NR2F1-AS1: variants seen among roughly 807,000 people sequenced by gnomAD.
NR2F1-AS1 encodes NR2F1 regulatory antisense RNA 1.
intron 1 of NR2F1-AS1, among the ~76,000 whole-genome samples, chr5:93,567,284 A>C (rs1200905786): frequency 6.6e-6 from 1 of 152,152 alleles, no homozygotes. Flanking sequence ...TTTATGGAAC[A>C]AACATTACAA....
chr5:93,510,173 G>A (rs1751266425), intron 4 of NR2F1-AS1, among the ~76,000 whole-genome samples: 1 of 152,046 alleles, frequency 6.6e-6, no homozygotes, highest in African/African-American at 2.4e-5. Flanking sequence ...CCAGGGTCAT[G>A]GCAGTTTTTA....
chr5:93,513,571 T>C (rs1324911201), intron 4 of NR2F1-AS1, among the ~76,000 whole-genome samples: 2 of 152,042 alleles, frequency 1.3e-5, no homozygotes, highest in African/African-American at 2.4e-5. Context: ...ACAAACACTA[T>C]ATATTCTCAC....
At chr5:93,443,629 G>T (rs957945279) in intron 4 of NR2F1-AS1, among the ~76,000 whole-genome samples, 2 of 152,164 alleles carry the variant, frequency 1.3e-5, no homozygotes, top group Non-Finnish European at 2.9e-5. Context: ...ACATGCTTCA[G>T]GATATTATCC....
At chr5:93,558,408 C>A (rs928399130) in intron 2 of NR2F1-AS1, among the ~76,000 whole-genome samples, 1 of 151,782 alleles carries the variant, frequency 6.6e-6, no homozygotes, top group African/African-American at 2.4e-5. Flanking sequence ...GCAACCTCCA[C>A]CCCCTGGGTT....
chr5:93,521,932 C>T (rs1751509175), intron 4 of NR2F1-AS1, among the ~76,000 whole-genome samples: 1 of 151,994 alleles, frequency 6.6e-6, no homozygotes, highest in Admixed American at 6.6e-5. Flanking sequence ...GCACTATTCA[C>T]AATAGCAAAG....
At chr5:93,553,783 G>C (rs1299867742) in exon 4 of NR2F1-AS1, 1 of 152,182 alleles carries the variant, frequency 6.6e-6, no homozygotes, top group African/African-American at 2.4e-5. Flanking sequence ...TGAGCTGCAA[G>C]TTGTTGTTCC....
At chr5:93,497,516 T>C (rs1173270708) in intron 4 of NR2F1-AS1, among the ~76,000 whole-genome samples, 1 of 152,170 alleles carries the variant, frequency 6.6e-6, no homozygotes, top group Non-Finnish European at 1.5e-5. Context: ...AGATGGAAAA[T>C]TGAGCTTTCT....
chr5:93,538,556 A>G (rs920883841), intron 4 of NR2F1-AS1, among the ~76,000 whole-genome samples: 2 of 152,186 alleles, frequency 1.3e-5, no homozygotes, highest in Non-Finnish European at 2.9e-5. Flanking sequence ...TGCTGCACGA[A>G]AGTGTTGAGC....
chr5:93,426,456 G>A (rs915440070), intron 4 of NR2F1-AS1, among the ~76,000 whole-genome samples: 6 of 152,128 alleles, frequency 3.9e-5, no homozygotes, highest in African/African-American at 1.2e-4. Context: ...TTTATTCAAG[G>A]TCTGAACATG....
At chr5:93,523,358 T>G (rs1401933599) in intron 4 of NR2F1-AS1, among the ~76,000 whole-genome samples, 2 of 152,172 alleles carry the variant, frequency 1.3e-5, no homozygotes, top group Non-Finnish European at 2.9e-5. Flanking sequence ...GTCAGGGGCT[T>G]ATACATCAAA....
intron 4 of NR2F1-AS1, chr5:93,422,166 C>T (rs1044116834): frequency 2.0e-5 from 3 of 152,236 alleles, no homozygotes; most frequent in Non-Finnish European, 4.4e-5. Context: ...TATTCAAATG[C>T]TCTGACATGC....
intron 4 of NR2F1-AS1, among the ~76,000 whole-genome samples, chr5:93,548,145 T>G (rs1008454945): frequency 1.3e-5 from 2 of 152,204 alleles, no homozygotes; most frequent in South Asian, 2.1e-4. Context: ...GATATTTCAT[T>G]TCCTCTCTCA....
chr5:93,487,182 G>A lies in NR2F1-AS1; in HGVS notation n.638+66579C>T, dbSNP rs1227169193. Among the ~76,000 whole-genome samples, 8 of 151,894 alleles carry A rather than the reference G, an allele frequency of 5.3e-5. No homozygotes were observed. In the South Asian group the frequency reaches 6.2e-4, roughly 12 times the overall value. The stretch of plus-strand genomic sequence containing the variant: ...GCTGGAAGCATTCCCTTGGAAAATC[G>A]GCACAAGATAAGGATACCCTCTCTC... On this transcript the variant is annotated intron_variant and non_coding_transcript_variant, in intron 4 of 5. Coordinates refer to ENST00000660523, the Ensembl canonical transcript of NR2F1-AS1.
intron 4 of NR2F1-AS1, among the ~76,000 whole-genome samples, chr5:93,444,661 G>T (rs939292058): frequency 3.3e-5 from 5 of 152,090 alleles, no homozygotes; most frequent in African/African-American, 1.2e-4. Flanking sequence ...AGTTAACAAG[G>T]ATATCCAGGA....
chr5:93,564,993 C>T (rs1347074849), intron 1 of NR2F1-AS1, among the ~76,000 whole-genome samples: 1 of 152,054 alleles, frequency 6.6e-6, no homozygotes, highest in Non-Finnish European at 1.5e-5. Flanking sequence ...TTTTTCCCTA[C>T]AGAAAAGATA....
intron 4 of NR2F1-AS1, among the ~76,000 whole-genome samples, chr5:93,532,543 C>G (rs1440775674): frequency 2.0e-5 from 3 of 152,196 alleles, no homozygotes; most frequent in Non-Finnish European, 4.4e-5. Context: ...CACAAAAGAA[C>G]AGGCCCAAAA....
chr5:93,498,027 G>A (rs1303920915), intron 4 of NR2F1-AS1, among the ~76,000 whole-genome samples: 2 of 151,994 alleles, frequency 1.3e-5, no homozygotes, highest in African/African-American at 2.4e-5. Context: ...AAGTTTCTTA[G>A]AGAATAAGTC....
chr5:93,585,114 C>CGCG (rs954495672), upstream of NR2F1-AS1: 174 of 987,468 alleles, frequency 1.8e-4, no homozygotes, highest in South Asian at 2.3e-4. Flanking sequence ...GCAGGCGGCC[C>CGCG]GCGGCGGCGG....
chr5:93,498,485 A>G (rs901015765), intron 4 of NR2F1-AS1, among the ~76,000 whole-genome samples: 1 of 152,156 alleles, frequency 6.6e-6, no homozygotes, highest in African/African-American at 2.4e-5. Flanking sequence ...TCATCCTCAA[A>G]GAAGAATTTT....
Sources: gnomAD v4.1 joint callset for allele counts (sites outside exome capture counted in the v4.1 genomes callset) on GRCh38, gnomAD v4.1.1 for gene constraint, MANE v1.5 for transcripts, NCBI Gene and HGNC (gene_info 2026-07-23, HGNC 2026-07-21) for gene names.